Variants in TMPO observed in about 807,000 individuals in gnomAD.
TMPO encodes thymopoietin.
In TMPO, 22 loss-of-function variants were observed where a neutral mutation model predicts 45.4. The observed-to-expected ratio is 0.48, with a 90% CI of 0.35 to 0.69. The LOEUF is 0.69. Ranked by LOEUF, TMPO falls within the 30% of genes least tolerant of loss-of-function variation. The probability of loss-of-function intolerance (pLI) is 0.01; values close to 1 mark genes in which losing one functional copy is unlikely to be tolerated. For synonymous variants in TMPO, 241 were observed against 204.1 expected, an observed-to-expected ratio of 1.18 and a Z score of -1.54; for missense variants, 512 against 548.8, an observed-to-expected ratio of 0.93 and a Z score of 0.67.
chr12:98,517,980 T>C (rs904379127), intron 1 of TMPO, among the ~76,000 whole-genome samples: 1 of 152,142 alleles, frequency 6.6e-6, no homozygotes, highest in Non-Finnish European at 1.5e-5. Flanking sequence ...CTGGCCCATA[T>C]GGTGAAACCC....
chr12:98,529,720 G>A (rs555346941), intron 2 of TMPO, among the ~76,000 whole-genome samples: 4 of 152,054 alleles, frequency 2.6e-5, no homozygotes, highest in African/African-American at 4.8e-5. Context: ...CACCATTCCC[G>A]GCTAATTTTT....
chr12:98,517,026 G>A (rs1210861160), intron 1 of TMPO, among the ~76,000 whole-genome samples: 3 of 152,134 alleles, frequency 2.0e-5, no homozygotes, highest in Non-Finnish European at 2.9e-5. Context: ...GGTCAGGCTG[G>A]TCTCGAACTC....
intron 1 of TMPO, chr12:98,516,504 C>T (rs367725066): frequency 9.2e-7 from 1 of 1,081,900 alleles, no homozygotes; most frequent in Non-Finnish European, 1.1e-6. Context: ...AGGGGTGGCC[C>T]CAAAATGCTA....
intron 2 of TMPO, among the ~76,000 whole-genome samples, chr12:98,530,402 T>A (rs1592941676): frequency 6.6e-6 from 1 of 152,158 alleles, no homozygotes; most frequent in Non-Finnish European, 1.5e-5. Flanking sequence ...TCAGCCTACA[T>A]TAAATTATAT....
chr12:98,533,752 T>G, intron 3 of TMPO: 1 of 1,614,194 alleles, frequency 6.2e-7, no homozygotes, highest in East Asian at 2.2e-5. Flanking sequence ...TGAATCTATT[T>G]TAAAAGTAAT....
chr12:98,545,874 G>T (rs541256369), intron 7 of TMPO, among the ~76,000 whole-genome samples: 1 of 151,716 alleles, frequency 6.6e-6, no homozygotes, highest in African/African-American at 2.4e-5. Context: ...CTGGGATTAC[G>T]GGTGCCCGCC....
intron 1 of TMPO, among the ~76,000 whole-genome samples, chr12:98,518,302 A>G (rs937173133): frequency 7.9e-5 from 12 of 151,936 alleles, no homozygotes; most frequent in African/African-American, 2.7e-4. Context: ...ATTACTGGTT[A>G]TTATTTTTAG....
chr12:98,535,024 T>C, intron 3 of TMPO: 1 of 780,182 alleles, frequency 1.3e-6, no homozygotes, highest in Non-Finnish European at 1.6e-6. Flanking sequence ...GCTAAAGCAA[T>C]GTATTGATTT....
intron 4 of TMPO, among the ~76,000 whole-genome samples, chr12:98,543,335 T>G (rs1271514410): frequency 6.6e-6 from 1 of 152,218 alleles, no homozygotes; most frequent in Non-Finnish European, 1.5e-5. Flanking sequence ...AATAGCGACT[T>G]CAAAACTGAA....
In TMPO at chr12:98,515,791, C is replaced by G. The variant is rs1389142749; in HGVS notation, c.-77C>G. On this transcript the variant is annotated 5_prime_UTR_variant, in exon 1 of 9. Coordinates refer to ENST00000556029, the MANE Select transcript of TMPO (RefSeq NM_001032283.3). ...TGAGGCTCGGAGGCGGCAGCGCGGT[C>G]CCCGGCCAGGAGCAAGCGCGCCGGC... 4 of 1,554,652 alleles carry G rather than the reference C, an allele frequency of 2.6e-6. No individual in the cohort carries two copies. In the East Asian group the frequency reaches 9.8e-5, roughly 38 times the overall value.
chr12:98,540,598 G>A (rs998436435), intron 4 of TMPO, among the ~76,000 whole-genome samples: 5 of 152,080 alleles, frequency 3.3e-5, no homozygotes, highest in East Asian at 1.9e-4. Context: ...GGCAGGTCTC[G>A]AACTCCCGAC....
intron 4 of TMPO, among the ~76,000 whole-genome samples, chr12:98,539,933 T>A (rs770967914): frequency 5.3e-5 from 8 of 152,236 alleles, no homozygotes; most frequent in Non-Finnish European, 8.8e-5. Context: ...CCTAATAAAA[T>A]TAATAATTTA....
intron 1 of TMPO, 111 bp downstream of exon 1, chr12:98,516,257 CG>C: frequency 7.9e-7 from 1 of 1,271,592 alleles, no homozygotes; most frequent in African/African-American, 1.6e-5. Context: ...CTCCCAGGTG[CG>C]GGGCTGTCCC....
chr12:98,543,294 TAGTTAAAAGA>T (rs1384610720), intron 4 of TMPO, among the ~76,000 whole-genome samples: 1 of 152,242 alleles, frequency 6.6e-6, no homozygotes, highest in Non-Finnish European at 1.5e-5. Flanking sequence ...GGATGTTCTG[TAGTTAAAAGA>T]ATTTAAAAGA....
In TMPO at chr12:98,533,933, A is replaced by C. The variant is rs557983360; in HGVS notation, c.565+2095A>C. On this transcript the variant is annotated intron_variant, in intron 3 of 8. Coordinates refer to ENST00000556029, the MANE Select transcript of TMPO (RefSeq NM_001032283.3). ...GGAGGTATTCAAGCAGCCTCCACTG[A>C]GTCTTGCAATCAGCAGTTGGACTTA... 6.2e-6 allele frequency: 10 copies of C among 1,614,070 alleles called. No homozygotes were observed. In the African/African-American group the frequency reaches 1.2e-4, roughly 19 times the overall value.
chr12:98,544,897 G>A, intron 6 of TMPO, 54 bp from the exon 7 acceptor site: 1 of 1,284,638 alleles, frequency 7.8e-7, no homozygotes, highest in Non-Finnish European at 1.1e-6. Flanking sequence ...TTCTTTTTAA[G>A]TGTCTGTGTT....
intron 3 of TMPO, chr12:98,534,081 T>A: frequency 6.2e-7 from 1 of 1,611,864 alleles, no homozygotes; most frequent in African/African-American, 1.3e-5. Context: ...GCTCAGATCC[T>A]AGTCGTACCC....
At chr12:98,545,612 A>T (rs1388036424) in intron 7 of TMPO, among the ~76,000 whole-genome samples, 1 of 152,184 alleles carries the variant, frequency 6.6e-6, no homozygotes, top group Non-Finnish European at 1.5e-5. Flanking sequence ...TATTTTTTTT[A>T]ATTTGGGCAT....
chr12:98,533,395 T>A (rs1454410767), intron 3 of TMPO: 2 of 1,614,200 alleles, frequency 1.2e-6, no homozygotes, highest in African/African-American at 1.3e-5. Flanking sequence ...AATCAGAGAT[T>A]ATGTCAATTC....
Sources: allele counts gnomAD v4.1 joint callset (sites outside exome capture counted in the v4.1 genomes callset), GRCh38; gene constraint gnomAD v4.1.1; transcripts MANE v1.5; gene names NCBI Gene and HGNC (gene_info 2026-07-23, HGNC 2026-07-21).